The following GRIN3A variants were observed in gnomAD, a reference collection of about 807,000 sequenced individuals.
GRIN3A encodes glutamate ionotropic receptor NMDA type subunit 3A, also known as glutamate receptor ionotropic, NMDA 3A.
A neutral mutation model predicts 92.4 loss-of-function variants in GRIN3A; 47 were observed. That is an observed-to-expected ratio of 0.51 (90% CI 0.40 to 0.65). The LOEUF (loss-of-function observed/expected upper bound fraction) is 0.65. Ranked by LOEUF, GRIN3A falls within the 30% of genes least tolerant of loss-of-function variation. The pLI, the probability that GRIN3A is intolerant of heterozygous loss-of-function variation, is 0.00. For synonymous variants in GRIN3A, 527 were observed against 540.6 expected (o/e 0.97, Z 0.35); for missense variants, 1,324 against 1,393.1 (o/e 0.95, Z 0.79).
chr9:101,637,926 A>C (rs1414253091), intron 3 of GRIN3A, among the ~76,000 whole-genome samples: 1 of 152,164 alleles, frequency 6.6e-6, no homozygotes, highest in African/African-American at 2.4e-5. Context: ...ATCCTAACTC[A>C]GGGCTAAATA....
At chr9:101,668,932 G>T (rs982876672) in intron 3 of GRIN3A, among the ~76,000 whole-genome samples, 4 of 152,140 alleles carry the variant, frequency 2.6e-5, no homozygotes, top group Non-Finnish European at 5.9e-5. Context: ...ATGTTTAATA[G>T]TAACTTATAG....
intron 6 of GRIN3A, among the ~76,000 whole-genome samples, chr9:101,584,015 C>T (rs1042559254): frequency 2.0e-5 from 3 of 152,166 alleles, no homozygotes; most frequent in African/African-American, 7.2e-5. Flanking sequence ...TGTTACCACA[C>T]CCAGCTAATT....
intron 3 of GRIN3A, among the ~76,000 whole-genome samples, chr9:101,635,092 G>T (rs538760836): frequency 6.6e-6 from 1 of 152,268 alleles, no homozygotes; most frequent in African/African-American, 2.4e-5. Flanking sequence ...AATTTAAGCA[G>T]TTTGCTGCCT....
intron 1 of GRIN3A, among the ~76,000 whole-genome samples, chr9:101,699,557 C>T (rs1829729366): frequency 6.6e-6 from 1 of 152,094 alleles, no homozygotes; most frequent in African/African-American, 2.4e-5. Context: ...CTAACCAGCC[C>T]TTATATCATA....
chr9:101,663,173 C>T (rs1829196834), intron 3 of GRIN3A, among the ~76,000 whole-genome samples: 1 of 151,846 alleles, frequency 6.6e-6, no homozygotes, highest in Non-Finnish European at 1.5e-5. Context: ...CATCAACTTC[C>T]CTTTAACTCA....
chr9:101,633,814 C>T (rs1352045351), intron 3 of GRIN3A, among the ~76,000 whole-genome samples: 1 of 152,086 alleles, frequency 6.6e-6, no homozygotes, highest in African/African-American at 2.4e-5. Flanking sequence ...GGGACTGCTG[C>T]TTTATAGCAA....
At chr9:101,611,916 C>T (rs576644907) in intron 6 of GRIN3A, among the ~76,000 whole-genome samples, 2 of 152,208 alleles carry the variant, frequency 1.3e-5, no homozygotes, top group Admixed American at 6.5e-5. Context: ...GAGCAAGTGT[C>T]AGAGGATGGA....
At chr9:101,681,635 T>C (rs909636053) in intron 2 of GRIN3A, among the ~76,000 whole-genome samples, 3 of 152,222 alleles carry the variant, frequency 2.0e-5, no homozygotes, top group Admixed American at 2.0e-4. Flanking sequence ...TTTTCCCTCA[T>C]CACCAAATAT....
At chr9:101,586,432 C>T (rs1363317458) in intron 6 of GRIN3A, among the ~76,000 whole-genome samples, 1 of 151,984 alleles carries the variant, frequency 6.6e-6, no homozygotes, top group Non-Finnish European at 1.5e-5. Flanking sequence ...TTTCCCCCAC[C>T]CCCGATCCCA....
chr9:101,591,393 A>C (rs1398169172), intron 6 of GRIN3A, among the ~76,000 whole-genome samples: 2 of 152,250 alleles, frequency 1.3e-5, no homozygotes, highest in African/African-American at 4.8e-5. Flanking sequence ...CTATAAAAAT[A>C]AGATAAATGC....
In GRIN3A at chr9:101,670,178, A is replaced by G. The variant is rs762737184; in HGVS notation, c.2234T>C (p.Leu745Pro). The G allele has an allele frequency of 6.2e-7, 1 of 1,613,950 alleles. No individual in the cohort carries two copies. The highest frequency in any genetic ancestry group is 1.1e-5 in the South Asian group (1 of 91,076). The stretch of plus-strand genomic sequence containing the variant: ...ACAGAAAATGGCCCAAAGGTTCATT[A>G]GAAACCTTCCAGTCCAACATTTTGG... The part of the protein sequence containing the change: ...KPPKCWTGRF[L>P]MNLWAIFCMF... Residue 745 changes from leucine to proline, a missense_variant, in exon 3 of 9, where the codon CTA (leucine) becomes CCA (proline). Transcript: ENST00000361820.
intron 3 of GRIN3A, 127 bp from the exon 4 acceptor site, chr9:101,628,528 A>T: frequency 1.2e-6 from 1 of 868,716 alleles, no homozygotes; most frequent in Non-Finnish European, 1.8e-6. Flanking sequence ...AGGCAGAAAC[A>T]TGTACATAGA....
At chr9:101,625,521 G>T (rs553276935) in intron 4 of GRIN3A, among the ~76,000 whole-genome samples, 52 of 152,284 alleles carry the variant, frequency 3.4e-4, no homozygotes, top group African/African-American at 1.2e-3. Flanking sequence ...TGGTACCAAT[G>T]ACCGTTGCTT....
intron 1 of GRIN3A, among the ~76,000 whole-genome samples, chr9:101,704,477 GT>G (rs141213678): frequency 5.3e-5 from 8 of 152,116 alleles, no homozygotes; most frequent in African/African-American, 1.4e-4. Flanking sequence ...TTGACTTAAT[GT>G]TTTTTTTATT....
intron 5 of GRIN3A, 102 bp downstream of exon 5, chr9:101,623,216 G>A: frequency 2.5e-6 from 2 of 786,532 alleles, no homozygotes; most frequent in Non-Finnish European, 4.6e-6. Flanking sequence ...AACGAGGGAA[G>A]ATGAATAGCT....
Position 101,571,389 on chromosome 9 carries a change from A to C in GRIN3A, c.*1785T>G, listed in dbSNP as rs1827758399. ...TGGTGGAAATGCAGACATTTCATCC[A>C]GTAGTAGAGGGAGAAGTTTTGTGAC... On this transcript the variant is annotated 3_prime_UTR_variant, in exon 9 of 9. Transcript: ENST00000361820. 6.6e-6 allele frequency: 1 copy of C among 152,176 alleles called. No individual in the cohort carries two copies. The highest frequency in any genetic ancestry group is 1.5e-5 in the Non-Finnish European group (1 of 68,044). 9.4% of individuals were successfully genotyped at this position (152,176 alleles called of 1,614,324 possible).
intron 1 of GRIN3A, among the ~76,000 whole-genome samples, chr9:101,720,339 A>G (rs1243667121): frequency 1.3e-5 from 2 of 152,240 alleles, no homozygotes; most frequent in African/African-American, 4.8e-5. Context: ...AGTTTTTTAA[A>G]TGGCACAGTA....
intron 3 of GRIN3A, among the ~76,000 whole-genome samples, chr9:101,656,067 G>C (rs893057285): frequency 6.6e-6 from 1 of 151,894 alleles, no homozygotes. Context: ...AGTGAGAAAT[G>C]GGTTAATAAT....
intron 2 of GRIN3A, among the ~76,000 whole-genome samples, chr9:101,686,285 G>T (rs1193575403): frequency 1.3e-5 from 2 of 151,940 alleles, no homozygotes; most frequent in African/African-American, 4.8e-5. Context: ...ATTCTATTTT[G>T]CTAGTTAGAA....
Sources: gnomAD v4.1 joint callset for allele counts (sites outside exome capture counted in the v4.1 genomes callset) on GRCh38, gnomAD v4.1.1 for gene constraint, MANE v1.5 for transcripts, NCBI Gene and HGNC (gene_info 2026-07-23, HGNC 2026-07-21) for gene names.